Variants in ZNRF3 observed in about 807,000 individuals in gnomAD.
ZNRF3 encodes the protein zinc and ring finger 3, also known as E3 ubiquitin-protein ligase ZNRF3.
Under a neutral mutation model 72.5 loss-of-function variants are expected in ZNRF3, and 23 were observed. That is an observed-to-expected ratio of 0.32 (90% CI 0.23 to 0.45). The LOEUF (loss-of-function observed/expected upper bound fraction) is 0.45. ZNRF3 is among the 20% of genes least tolerant of loss of function. The pLI, the probability that ZNRF3 is intolerant of heterozygous loss-of-function variation, is 1.00. For missense variants in ZNRF3, 1,169 were observed against 1,272.1 expected (o/e 0.92, Z 1.23); for synonymous variants, 610 against 545.3 (o/e 1.12, Z -1.65).
intron 2 of ZNRF3, among the ~76,000 whole-genome samples, chr22:29,006,844 G>T (rs9613768): frequency 0.31 from 46,782 of 152,070 alleles, 8,794 homozygotes; most frequent in Middle Eastern, 0.42. Flanking sequence ...GCATTTTAAG[G>T]GTAGGTTTTG....
intron 6 of ZNRF3, among the ~76,000 whole-genome samples, chr22:29,047,642 G>A (rs980709962): frequency 6.6e-6 from 1 of 152,234 alleles, no homozygotes; most frequent in Non-Finnish European, 1.5e-5. Flanking sequence ...TGATCATGAA[G>A]GTTCCATGAG....
chr22:28,922,970 A>T (rs932421825), intron 1 of ZNRF3, among the ~76,000 whole-genome samples: 1 of 152,172 alleles, frequency 6.6e-6, no homozygotes, highest in East Asian at 1.9e-4. Flanking sequence ...TAAGTGACTT[A>T]TCCAAGGCTG....
At chr22:28,922,841 C>T (rs2034534057) in intron 1 of ZNRF3, among the ~76,000 whole-genome samples, 1 of 152,184 alleles carries the variant, frequency 6.6e-6, no homozygotes, top group Admixed American at 6.5e-5. Flanking sequence ...CCTTTTCCTT[C>T]TTAGCATTTT....
intron 1 of ZNRF3, among the ~76,000 whole-genome samples, chr22:28,939,960 A>G (rs553610772): frequency 4.6e-5 from 7 of 152,348 alleles, no homozygotes; most frequent in African/African-American, 1.7e-4. Context: ...ATATCTTGAT[A>G]TATGAGTAGT....
chr22:29,055,443 T>C lies in ZNRF3; in HGVS notation c.*1821T>C, dbSNP rs991537510. 6.6e-6 allele frequency: 1 copy of C among 152,246 alleles called. No homozygotes were observed. Among genetic ancestry groups the C allele is most frequent in the Non-Finnish European group, 1.5e-5 (1 of 68,042 alleles). 9.4% of individuals were successfully genotyped at this position (152,246 alleles called of 1,614,324 possible). The stretch of plus-strand genomic sequence containing the variant: ...CTCACTCTTATCAGAATGTTTTTCT[T>C]AACCTCAGCGTATGATGAGGAAATT... On this transcript the variant is annotated 3_prime_UTR_variant, in exon 9 of 9. Transcript: ENST00000544604.
chr22:29,007,990 A>C (rs1243956829), intron 2 of ZNRF3, among the ~76,000 whole-genome samples: 1 of 152,022 alleles, frequency 6.6e-6, no homozygotes, highest in African/African-American at 2.4e-5. Flanking sequence ...TCCCAATCTC[A>C]GGTGATCCAC....
At chr22:28,964,794 G>A (rs1472172571) in intron 1 of ZNRF3, among the ~76,000 whole-genome samples, 2 of 152,240 alleles carry the variant, frequency 1.3e-5, no homozygotes, top group East Asian at 1.9e-4. Flanking sequence ...CTCACGCTGC[G>A]GTCATCTGGC....
At position 29,049,199 on chromosome 22, in the gene ZNRF3, CA is replaced by C; in HGVS notation, c.1022del (p.Lys341ArgfsTer22). 6.3e-7 allele frequency: 1 copy of C among 1,590,120 alleles called. No homozygotes were observed. Among genetic ancestry groups the C allele is most frequent in the East Asian group, 2.2e-5 (1 of 44,644 alleles). Reference sequence around the variant, plus strand: ...CTGTTTCCTCCACTTGTCTCCAGAACAAAAGGGAAACCCAAGCGCGGTGTGT... The same window carrying C: ...CTGTTTCCTCCACTTGTCTCCAGAACAAAGGGAAACCCAAGCGCGGTGTGT... ...CPHCRHNIIE[Q>X]KGNPSAVCVE... On this transcript the variant is annotated frameshift_variant, in exon 8 of 9. Coordinates refer to ENST00000544604, the MANE Select transcript of ZNRF3 (RefSeq NM_001206998.2). LOFTEE classifies it high-confidence loss of function. This position sits in a 1 kb window ranked among gnomAD's most constrained non-coding sequence, Gnocchi z 5.2.
chr22:29,015,258 T>A (rs2036411808), intron 2 of ZNRF3, among the ~76,000 whole-genome samples: 1 of 152,246 alleles, frequency 6.6e-6, no homozygotes. Flanking sequence ...TATAAAACCT[T>A]TATTTTTCTA....
intron 1 of ZNRF3, among the ~76,000 whole-genome samples, chr22:28,949,198 G>A (rs1259925661): frequency 4.0e-5 from 6 of 151,790 alleles, no homozygotes; most frequent in African/African-American, 1.2e-4. Flanking sequence ...GGCTGGTCTC[G>A]AACTCCTGAC....
At chr22:28,994,005 T>A (rs2036001503) in intron 2 of ZNRF3, among the ~76,000 whole-genome samples, 1 of 151,596 alleles carries the variant, frequency 6.6e-6, no homozygotes, top group South Asian at 2.1e-4. Flanking sequence ...GCTCCTGCAG[T>A]CACTTAACGC....
chr22:28,985,384 CCTCT>C (rs1164403612), intron 1 of ZNRF3, among the ~76,000 whole-genome samples: 1 of 152,032 alleles, frequency 6.6e-6, no homozygotes, highest in African/African-American at 2.4e-5. Flanking sequence ...TTGGAACTGA[CCTCT>C]CTCTCTCGTT....
chr22:29,051,969 G>A (rs1601720016), intron 8 of ZNRF3, among the ~76,000 whole-genome samples: 1 of 151,698 alleles, frequency 6.6e-6, no homozygotes, highest in East Asian at 1.9e-4. Flanking sequence ...ACCCGCCTGT[G>A]AAGGACCCCA....
At chr22:29,042,416 A>T in intron 2 of ZNRF3, 79 bp from the exon 3 acceptor site, 2 of 1,184,282 alleles carry the variant, frequency 1.7e-6, no homozygotes, top group Non-Finnish European at 2.5e-6. Flanking sequence ...GCATTTGATT[A>T]CAGGCCTGAT....
At chr22:28,916,146 C>T (rs2123764406) in intron 1 of ZNRF3, among the ~76,000 whole-genome samples, 1 of 152,310 alleles carries the variant, frequency 6.6e-6, no homozygotes, top group South Asian at 2.1e-4. Flanking sequence ...ACTGCAGCCT[C>T]CCCCTCCTGG....
At chr22:28,911,660 G>C (rs1248319421) in intron 1 of ZNRF3, among the ~76,000 whole-genome samples, 1 of 149,326 alleles carries the variant, frequency 6.7e-6, no homozygotes, top group East Asian at 2.0e-4. Flanking sequence ...CATGGCATTT[G>C]ACCTTGGTTA....
intron 1 of ZNRF3, among the ~76,000 whole-genome samples, chr22:28,963,934 C>T (rs1043058825): frequency 1.3e-5 from 2 of 152,236 alleles, no homozygotes; most frequent in Non-Finnish European, 2.9e-5. Flanking sequence ...ATGCCAGAGA[C>T]GGATGGTTAA....
chr22:29,034,161 A>C (rs933144646), intron 2 of ZNRF3, among the ~76,000 whole-genome samples: 2 of 152,178 alleles, frequency 1.3e-5, no homozygotes, highest in Non-Finnish European at 2.9e-5. Context: ...AGGTCTCTTC[A>C]CCCAGGACAG....
chr22:28,940,588 A>C (rs1330467981), intron 1 of ZNRF3, among the ~76,000 whole-genome samples: 1 of 150,860 alleles, frequency 6.6e-6, no homozygotes, highest in African/African-American at 2.4e-5. Flanking sequence ...TCTTCCATTC[A>C]CACTTAATCT....
Sources: allele counts gnomAD v4.1 joint callset (sites outside exome capture counted in the v4.1 genomes callset), GRCh38; gene constraint gnomAD v4.1.1; non-coding constraint Gnocchi (gnomAD v3.1); transcripts MANE v1.5; gene names NCBI Gene and HGNC (gene_info 2026-07-23, HGNC 2026-07-21).